MAGI1: variants seen among roughly 807,000 people sequenced by gnomAD.
MAGI1 encodes membrane-associated guanylate kinase, WW and PDZ domain-containing protein 1.
A neutral mutation model predicts 139.9 loss-of-function variants in MAGI1; 58 were observed. That is an observed-to-expected ratio of 0.41 (90% CI 0.34 to 0.52). The LOEUF is 0.52. Ranked by LOEUF, MAGI1 falls within the 20% of genes least tolerant of loss-of-function variation. The probability of loss-of-function intolerance (pLI) is 0.12; values close to 1 mark genes in which losing one functional copy is unlikely to be tolerated. For missense variants in MAGI1, 1,874 were observed against 1,901.6 expected, an observed-to-expected ratio of 0.99 and a Z score of 0.27; for synonymous variants, 812 against 737.9, an observed-to-expected ratio of 1.10 and a Z score of -1.63.
intron 1 of MAGI1, among the ~76,000 whole-genome samples, chr3:65,950,092 A>AAAAAAAAAAAAAAAAAAG: frequency 1.5e-5 from 1 of 66,096 alleles, no homozygotes; most frequent in South Asian, 5.8e-4. Flanking sequence ...AAAAAAAACA[A>AAAAAAAAAAAAAAAAAAG]ACAAAAAAAA....
At chr3:65,844,488 C>A in intron 1 of MAGI1, 1 of 323,664 alleles carries the variant, frequency 3.1e-6, no homozygotes, top group Non-Finnish European at 5.9e-6. Context: ...TTTTAAATGT[C>A]TCGAGAACAC....
chr3:65,378,465 G>GT (rs1194083166), intron 17 of MAGI1, among the ~76,000 whole-genome samples: 1 of 152,134 alleles, frequency 6.6e-6, no homozygotes, highest in African/African-American at 2.4e-5. Flanking sequence ...ATCTCATGTA[G>GT]TATTTTTACT....
At chr3:65,778,840 T>C (rs1327579082) in intron 1 of MAGI1, among the ~76,000 whole-genome samples, 4 of 152,184 alleles carry the variant, frequency 2.6e-5, no homozygotes, top group Non-Finnish European at 5.9e-5. Flanking sequence ...TTTCCAAAGA[T>C]TCCAATATAC....
chr3:65,640,469 C>A (rs954669995), intron 1 of MAGI1, among the ~76,000 whole-genome samples: 1 of 152,148 alleles, frequency 6.6e-6, no homozygotes, highest in Non-Finnish European at 1.5e-5. Flanking sequence ...TCCAATGACT[C>A]CTTTTCCCTC....
Position 65,379,463 on chromosome 3 carries a change from C to T in MAGI1, c.2793G>A (p.Pro931=), listed in dbSNP as rs756151040. 5.6e-6 allele frequency: 9 copies of T among 1,613,936 alleles called. No individual in the cohort carries two copies. The highest frequency in any genetic ancestry group is 2.2e-5 in the East Asian group (1 of 44,880). Residue 931 remains proline (P), a synonymous_variant, in exon 17 of 23, where the codon CCG becomes CCA. Coordinates refer to ENST00000402939, the MANE Select transcript of MAGI1 (RefSeq NM_001033057.2). The part of the protein sequence containing the change: ...PASLTEEKRT[P]QGSQNSLNTV... ...TGTTCAGCGAGTTCTGGCTGCCCTG[C>T]GGAGTGCGCTTCTCTTCTGTCAGCG...
intron 1 of MAGI1, chr3:66,009,066 C>G (rs1460251072): frequency 1.3e-5 from 2 of 152,354 alleles, no homozygotes; most frequent in Non-Finnish European, 2.9e-5. Context: ...TGCCACCAAC[C>G]CCACAAGACA....
intron 1 of MAGI1, among the ~76,000 whole-genome samples, chr3:65,638,300 T>C (rs200420384): frequency 6.6e-6 from 1 of 152,128 alleles, no homozygotes; most frequent in African/African-American, 2.4e-5. Context: ...ATGATTCAAA[T>C]ATACCTTTCA....
chr3:65,561,691 G>T (rs958335264), intron 2 of MAGI1, among the ~76,000 whole-genome samples: 3 of 152,154 alleles, frequency 2.0e-5, no homozygotes. Context: ...ACATACAGAT[G>T]TGATATTTAC....
At chr3:65,723,190 AG>A (rs2107696344) in intron 1 of MAGI1, among the ~76,000 whole-genome samples, 1 of 152,310 alleles carries the variant, frequency 6.6e-6, no homozygotes, top group African/African-American at 2.4e-5. Flanking sequence ...GACACAGTTC[AG>A]GTCAGAGTGC....
Position 65,974,295 on chromosome 3 carries a change from T to TGGGAGAGTGGGAGGGAAGAA in MAGI1, c.313+63681_313+63700dup, listed in dbSNP as rs1364543902. On this transcript the variant is annotated intron_variant, in intron 1 of 22. Transcript: ENST00000402939. Reference sequence around the variant, plus strand: ...GTTGAAAGCATAAAGAGTGAGCAAATGGGAGAGTGGGAGGGAAGAAGGGAG... The same window carrying TGGGAGAGTGGGAGGGAAGAA: ...GTTGAAAGCATAAAGAGTGAGCAAATGGGAGAGTGGGAGGGAAGAAGGGAGAGTGGGAGGGAAGAAGGGAG... Among the ~76,000 whole-genome samples, 6 of 145,040 alleles carry TGGGAGAGTGGGAGGGAAGAA rather than the reference T, an allele frequency of 4.1e-5. No homozygotes were observed. The South Asian group carries it at 6.8e-4, about 16-fold the overall frequency.
intron 2 of MAGI1, among the ~76,000 whole-genome samples, chr3:65,528,314 A>G (rs1053035714): frequency 3.9e-5 from 6 of 152,312 alleles, no homozygotes; most frequent in East Asian, 3.9e-4. Context: ...CAAAACTAAG[A>G]TTTTCAACAC....
At chr3:65,568,936 T>C (rs1213161504) in intron 2 of MAGI1, among the ~76,000 whole-genome samples, 9 of 152,336 alleles carry the variant, frequency 5.9e-5, no homozygotes, top group South Asian at 2.1e-4. Context: ...TATAGAGCAG[T>C]TGACATCAAA....
chr3:65,709,289 A>G (rs1031314739), intron 1 of MAGI1, among the ~76,000 whole-genome samples: 1 of 152,230 alleles, frequency 6.6e-6, no homozygotes, highest in South Asian at 2.1e-4. Context: ...GTGGCATGCC[A>G]GAAATGAAAA....
chr3:65,577,506 C>T (rs115625341), intron 2 of MAGI1, among the ~76,000 whole-genome samples: 4,109 of 152,178 alleles, frequency 0.027, 87 homozygotes, highest in Admixed American at 0.051. Flanking sequence ...TCTAGCACTC[C>T]CTTCAATTCT....
chr3:65,661,683 C>A (rs2086194991), intron 1 of MAGI1, among the ~76,000 whole-genome samples: 1 of 151,482 alleles, frequency 6.6e-6, no homozygotes, highest in Non-Finnish European at 1.5e-5. Context: ...ACTAGTGTTA[C>A]CTGTTTTTAG....
At chr3:65,593,787 A>T (rs1019360674) in intron 2 of MAGI1, among the ~76,000 whole-genome samples, 1 of 152,350 alleles carries the variant, frequency 6.6e-6, no homozygotes, top group East Asian at 1.9e-4. Context: ...AAACATATTG[A>T]TATCTCATTA....
intron 7 of MAGI1, among the ~76,000 whole-genome samples, chr3:65,447,530 A>C (rs1027260987): frequency 6.6e-6 from 1 of 152,208 alleles, no homozygotes; most frequent in Non-Finnish European, 1.5e-5. Context: ...CTAAGACTTA[A>C]CTATTCAATT....
At chr3:65,709,612 A>G (rs1340788774) in intron 1 of MAGI1, among the ~76,000 whole-genome samples, 2 of 152,216 alleles carry the variant, frequency 1.3e-5, no homozygotes, top group African/African-American at 4.8e-5. Context: ...CTTTGCCAAC[A>G]TGAGCTTCTA....
At chr3:65,405,003 T>C (rs1027827943) in intron 12 of MAGI1, among the ~76,000 whole-genome samples, 1 of 152,208 alleles carries the variant, frequency 6.6e-6, no homozygotes, top group Non-Finnish European at 1.5e-5. Context: ...TGGGCTTGTC[T>C]GGTCCATTCA....
Sources: gnomAD v4.1 joint callset for allele counts (sites outside exome capture counted in the v4.1 genomes callset) on GRCh38, gnomAD v4.1.1 for gene constraint, MANE v1.5 for transcripts, NCBI Gene and HGNC (gene_info 2026-07-23, HGNC 2026-07-21) for gene names.